TENM2: variants seen among roughly 807,000 people sequenced by gnomAD.
TENM2 encodes teneurin-2.
A neutral mutation model predicts 245.2 loss-of-function variants in TENM2; 52 were observed. The observed-to-expected ratio is 0.21, with a 90% CI of 0.17 to 0.27. The LOEUF is 0.27. Ranked by LOEUF, TENM2 falls within the 10% of genes least tolerant of loss-of-function variation. The pLI is 1.00. For missense variants in TENM2, 3,046 were observed against 3,666.8 expected, an observed-to-expected ratio of 0.83 and a Z score of 4.37; for synonymous variants, 1,363 against 1,438.9, an observed-to-expected ratio of 0.95 and a Z score of 1.19.
chr5:167,047,221 G>A, the TENM2 span, among the ~76,000 whole-genome samples: 1 of 152,120 alleles, frequency 6.6e-6, no homozygotes, highest in African/African-American at 2.4e-5. Context: ...AAAAATCACA[G>A]ATGAAGCTAA....
chr5:168,111,732 G>A (rs1357056401), intron 9 of TENM2, among the ~76,000 whole-genome samples: 2 of 152,146 alleles, frequency 1.3e-5, no homozygotes, highest in Non-Finnish European at 2.9e-5. Context: ...GATGGAGAGA[G>A]CCCATCCCCT....
chr5:167,654,987 A>G (rs1400347118), intron 2 of TENM2, among the ~76,000 whole-genome samples: 2 of 152,098 alleles, frequency 1.3e-5, no homozygotes, highest in African/African-American at 2.4e-5. Context: ...AGTTGAAGCA[A>G]TGAAGCCTAC....
chr5:168,031,065 A>C (rs891068846), intron 5 of TENM2, among the ~76,000 whole-genome samples: 1 of 152,110 alleles, frequency 6.6e-6, no homozygotes, highest in South Asian at 2.1e-4. Flanking sequence ...TAGTGTCACC[A>C]CTGATTTCAC....
intron 1 of TENM2, among the ~76,000 whole-genome samples, chr5:167,372,233 A>G (rs972745988): frequency 6.6e-6 from 1 of 152,128 alleles, no homozygotes; most frequent in Non-Finnish European, 1.5e-5. Flanking sequence ...CGGGGGCTAT[A>G]AGCTTGAAGG....
At chr5:167,319,220 T>G (rs1268978231) in intron 1 of TENM2, among the ~76,000 whole-genome samples, 1 of 152,214 alleles carries the variant, frequency 6.6e-6, no homozygotes, top group Non-Finnish European at 1.5e-5. Flanking sequence ...TAAAGTATAT[T>G]GTAGTTAAGG....
intron 12 of TENM2, among the ~76,000 whole-genome samples, chr5:168,140,867 G>A (rs1029315534): frequency 5.3e-5 from 8 of 152,236 alleles, no homozygotes; most frequent in Non-Finnish European, 1.2e-4. Flanking sequence ...AGGTTCATAG[G>A]AGTGGCCATG....
chr5:167,490,443 A>C (rs1331746745), intron 2 of TENM2, among the ~76,000 whole-genome samples: 1 of 152,122 alleles, frequency 6.6e-6, no homozygotes, highest in African/African-American at 2.4e-5. Context: ...TCTTAGTTGA[A>C]TATCTCTCTC....
At chr5:167,800,127 T>A (rs1735132772) in intron 2 of TENM2, among the ~76,000 whole-genome samples, 1 of 152,150 alleles carries the variant, frequency 6.6e-6, no homozygotes, top group African/African-American at 2.4e-5. Flanking sequence ...CCACTGGAGG[T>A]CCTTTTTATC....
At chr5:167,703,608 C>T (rs1033164532) in intron 2 of TENM2, among the ~76,000 whole-genome samples, 1 of 148,920 alleles carries the variant, frequency 6.7e-6, no homozygotes, top group Non-Finnish European at 1.5e-5. Flanking sequence ...ACTTGTTAAA[C>T]AAAGAAGACT....
At chr5:167,348,512 C>T (rs988868586) in intron 1 of TENM2, among the ~76,000 whole-genome samples, 10 of 152,170 alleles carry the variant, frequency 6.6e-5, no homozygotes, top group African/African-American at 2.4e-4. Context: ...AGCACTGTGA[C>T]TGACAGCTGT....
the TENM2 span, among the ~76,000 whole-genome samples, chr5:167,074,028 C>A: frequency 6.6e-6 from 1 of 152,112 alleles, no homozygotes; most frequent in Non-Finnish European, 1.5e-5. Context: ...TTGCTTTTAT[C>A]TTTTTACAGA....
the TENM2 span, among the ~76,000 whole-genome samples, chr5:167,211,580 C>T: frequency 1.3e-5 from 2 of 152,184 alleles, no homozygotes; most frequent in African/African-American, 4.8e-5. Context: ...TCATTCTCAC[C>T]AGTATGATAA....
chr5:167,405,859 A>G (rs1311141306), intron 2 of TENM2, among the ~76,000 whole-genome samples: 3 of 151,886 alleles, frequency 2.0e-5, no homozygotes. Context: ...ATTTCATAGC[A>G]TTATCTGTTG....
chr5:167,659,766 T>G (rs1755082992), intron 2 of TENM2, among the ~76,000 whole-genome samples: 1 of 152,166 alleles, frequency 6.6e-6, no homozygotes, highest in East Asian at 1.9e-4. Context: ...CGATTGTACC[T>G]TCTAGTTACT....
chr5:167,654,578 A>G (rs1754710643), intron 2 of TENM2, among the ~76,000 whole-genome samples: 2 of 151,222 alleles, frequency 1.3e-5, no homozygotes, highest in South Asian at 4.2e-4. Flanking sequence ...CTCATCTGAC[A>G]TATCTCATTC....
chr5:168,054,142 T>C (rs1235508363), intron 6 of TENM2, among the ~76,000 whole-genome samples: 2 of 152,202 alleles, frequency 1.3e-5, no homozygotes, highest in Non-Finnish European at 2.9e-5. Context: ...CAAATTGAAA[T>C]TTCAAAAGAT....
intron 3 of TENM2, among the ~76,000 whole-genome samples, chr5:167,940,184 T>A (rs1779060664): frequency 6.6e-6 from 1 of 152,240 alleles, no homozygotes; most frequent in Non-Finnish European, 1.5e-5. Flanking sequence ...GATACCGCAG[T>A]ATACTTCAAC....
the TENM2 span, among the ~76,000 whole-genome samples, chr5:167,185,616 C>T: frequency 2.0e-5 from 3 of 151,984 alleles, no homozygotes; most frequent in Non-Finnish European, 2.9e-5. Context: ...CCATGAGATT[C>T]TTATCTAGTT....
intron 3 of TENM2, among the ~76,000 whole-genome samples, chr5:167,940,534 C>A (rs1779094087): frequency 6.6e-6 from 1 of 152,100 alleles, no homozygotes; most frequent in South Asian, 2.1e-4. Context: ...GACCTGCAGA[C>A]ATGGAAAGAA....
Sources: gnomAD v4.1 joint callset for allele counts (sites outside exome capture counted in the v4.1 genomes callset) on GRCh38, gnomAD v4.1.1 for gene constraint, MANE v1.5 for transcripts, NCBI Gene and HGNC (gene_info 2026-07-23, HGNC 2026-07-21) for gene names.